OLFM4: variants seen among roughly 807,000 people sequenced by gnomAD.
OLFM4 encodes olfactomedin 4, also known as olfactomedin-4.
Under a neutral mutation model 25.5 loss-of-function variants are expected in OLFM4, and 22 were observed. That is an observed-to-expected ratio of 0.86 (90% CI 0.62 to 1.23). OLFM4 has a LOEUF of 1.23. Ranked by LOEUF, OLFM4 falls within the 50% of genes most tolerant of loss-of-function variation. The probability of loss-of-function intolerance (pLI) is 0.00; values close to 1 mark genes in which losing one functional copy is unlikely to be tolerated. For synonymous variants in OLFM4, 255 were observed against 237.7 expected, an observed-to-expected ratio of 1.07 and a Z score of -0.67; for missense variants, 594 against 619.4, an observed-to-expected ratio of 0.96 and a Z score of 0.44.
Position 53,050,295 on chromosome 13 carries a change from C to G in OLFM4, c.1057C>G (p.Leu353Val). 1.2e-6 allele frequency: 2 copies of G among 1,614,072 alleles called. No individual in the cohort carries two copies. The highest frequency in any genetic ancestry group is 1.3e-5 in the African/African-American group (1 of 75,030). ...CACCGGGAATATTGCCAGAGTTAACCTGACCACCAACACGATTGCTGTGAC... is the reference window on the plus strand; with the variant it reads ...CACCGGGAATATTGCCAGAGTTAACGTGACCACCAACACGATTGCTGTGAC... ...YNTGNIARVN[L>V]TTNTIAVTQT... The change falls in exon 5 of 5, where the codon CTG becomes GTG. Residue 353 changes from leucine (L) to valine (V), a missense_variant. By Grantham distance (32) the Leu-to-Val change is conservative (BLOSUM62 1). Coordinates refer to ENST00000219022, the MANE Select transcript of OLFM4 (RefSeq NM_006418.5).
Position 53,043,195 on chromosome 13 carries a change from A to G in OLFM4, c.661A>G (p.Thr221Ala). Residue 221 changes from threonine (T) to alanine (A), a missense_variant, in exon 4 of 5, where the codon ACC becomes GCC. By Grantham distance (58) the Thr-to-Ala change is moderately conservative (BLOSUM62 0). Coordinates refer to ENST00000219022, the MANE Select transcript of OLFM4 (RefSeq NM_006418.5). ...TCGCCGAGAAATCGTGGCTCTGAAG[A>G]CCAAGCTGAAAGAGTGTGAGGCCTC... ...AIRREIVALK[T>A]KLKECEASKD... 6.2e-7 allele frequency: 1 copy of G among 1,613,570 alleles called. No individual in the cohort carries two copies. Among genetic ancestry groups the G allele is most frequent in the Non-Finnish European group, 8.5e-7 (1 of 1,179,726 alleles).
At chr13:53,038,384 T>C (rs866150715) in intron 2 of OLFM4, among the ~76,000 whole-genome samples, 12 of 152,290 alleles carry the variant, frequency 7.9e-5, no homozygotes, top group Middle Eastern at 3.4e-3. Flanking sequence ...TGAACGTCAT[T>C]GTATACTTAC....
chr13:53,041,952 C>G lies in OLFM4; in HGVS notation c.400C>G (p.Leu134Val), dbSNP rs767153379. 7.4e-6 allele frequency: 12 copies of G among 1,613,890 alleles called. No individual in the cohort carries two copies. In the Admixed American group the frequency reaches 1.8e-4, roughly 25 times the overall value. Residue 134 changes from leucine to valine, a missense_variant, in exon 3 of 5, where the codon CTG (leucine) becomes GTG (valine). Transcript: ENST00000219022. ...VQLISVYEKK[L>V]LNLTVRIDIM... ...ATTAATTAGTGTGTATGAAAAGAAA[C>G]TGTTAAACCTAACTGTCCGAATTGA... is the stretch of plus-strand genomic sequence containing the variant.
In OLFM4 at chr13:53,043,271, A is replaced by G. The variant is rs758206017; in HGVS notation, c.730+7A>G. 6.3e-7 allele frequency: 1 copy of G among 1,588,188 alleles called. No homozygotes were observed. Among genetic ancestry groups the G allele is most frequent in the Non-Finnish European group, 8.6e-7 (1 of 1,169,370 alleles). ...CACCCTCCTCCCACTCCAGGTAAGC[A>G]TGCCAGTTTTTTTAACCACTTGTGC... is the stretch of plus-strand genomic sequence containing the variant. On this transcript the variant is annotated splice_region_variant and intron_variant, in intron 4 of 4. Coordinates refer to ENST00000219022, the MANE Select transcript of OLFM4 (RefSeq NM_006418.5).
chr13:53,043,371 GTT>G (rs35795840), intron 4 of OLFM4, 107 bp downstream of exon 4: 4,765 of 298,568 alleles, frequency 0.016, no homozygotes, highest in South Asian at 0.019. Flanking sequence ...AAGGTGGGTT[GTT>G]TTTTTTTTTT....
At chr13:53,045,097 C>T (rs1192936801) in intron 4 of OLFM4, among the ~76,000 whole-genome samples, 1 of 152,140 alleles carries the variant, frequency 6.6e-6, no homozygotes, top group Non-Finnish European at 1.5e-5. Flanking sequence ...AGGCAAGGGT[C>T]TTTGCTCCCT....
At chr13:53,036,430 G>C (rs1282243062) in intron 2 of OLFM4, among the ~76,000 whole-genome samples, 2 of 152,228 alleles carry the variant, frequency 1.3e-5, no homozygotes, top group Admixed American at 6.5e-5. Flanking sequence ...TGGCAGCAGT[G>C]TGAAAGGCAG....
At chr13:53,042,193 AC>A in intron 3 of OLFM4, 71 bp downstream of exon 3, 1 of 1,294,984 alleles carries the variant, frequency 7.7e-7, no homozygotes, top group Non-Finnish European at 1.1e-6. Context: ...AAGTACTAGT[AC>A]CAGGAAGTGA....
intron 2 of OLFM4, among the ~76,000 whole-genome samples, chr13:53,038,375 G>T (rs1382001358): frequency 6.6e-6 from 1 of 152,148 alleles, no homozygotes; most frequent in Non-Finnish European, 1.5e-5. Flanking sequence ...TAACATTGGT[G>T]AACGTCATTG....
chr13:53,035,348 G>A lies in OLFM4; in HGVS notation c.357+848G>A, dbSNP rs143003856. On this transcript the variant is annotated intron_variant, in intron 2 of 4. Coordinates refer to ENST00000219022, the MANE Select transcript of OLFM4 (RefSeq NM_006418.5). ...TTTTTTTGGTGTATAGTAGGTGTAT[G>A]TATTAATGGGGTACATGAGATACCC... is the stretch of plus-strand genomic sequence containing the variant. 9.5e-3 allele frequency among the ~76,000 whole-genome samples: 1,447 copies of A among 151,768 alleles called. 14 individuals are homozygous for A. Among genetic ancestry groups the A allele is most frequent in the Non-Finnish European group, 0.016 (1,091 of 67,966 alleles).
At chr13:53,043,785 G>C (rs1440488609) in intron 4 of OLFM4, among the ~76,000 whole-genome samples, 2 of 152,092 alleles carry the variant, frequency 1.3e-5, no homozygotes, top group Non-Finnish European at 2.9e-5. Context: ...TGTGTGTCCT[G>C]AGATTCAGTG....
At chr13:53,034,296 A>G (rs1200110863) in intron 1 of OLFM4, 52 bp from the exon 2 acceptor site, 1 of 1,591,024 alleles carries the variant, frequency 6.3e-7, no homozygotes, top group Non-Finnish European at 8.6e-7. Context: ...TCCAGTTGCC[A>G]AAAGCTCAGA....
rs778413748 is a variant in OLFM4 at position 53,028,993 on chromosome 13, G to A, written c.157G>A (p.Gly53Ser). 2 of 1,614,146 alleles carry A rather than the reference G, an allele frequency of 1.2e-6. No homozygotes were observed. Among genetic ancestry groups the A allele is most frequent in the South Asian group, 2.2e-5 (2 of 91,084 alleles). ...CAGCTTCAGCTCCAGCTCCAGGTCG[G>A]GCTCCAGCTCCAGCCGCAGCTTAGG... is the stretch of plus-strand genomic sequence containing the variant. ...SSSFSSSSRSGSSSSRSLGSG... is the reference protein window; with the variant it reads ...SSSFSSSSRSSSSSSRSLGSG... The change falls in exon 1 of 5, where the codon GGC becomes AGC. Residue 53 changes from glycine (G) to serine (S), a missense_variant. Transcript: ENST00000219022.
At chr13:53,042,248 C>T in intron 3 of OLFM4, 126 bp downstream of exon 3, 1 of 771,464 alleles carries the variant, frequency 1.3e-6, no homozygotes, top group South Asian at 1.8e-5. Flanking sequence ...CTCATGGCCA[C>T]ATGGCATATC....
In OLFM4 at chr13:53,028,934, G is replaced by A. The variant is rs1416473477; in HGVS notation, c.98G>A (p.Gly33Asp). The A allele has an allele frequency of 5.0e-6, 8 of 1,614,214 alleles. No individual in the cohort carries two copies. The highest frequency in any genetic ancestry group is 1.3e-5 in the African/African-American group (1 of 75,054). The change falls in exon 1 of 5, where the codon GGC becomes GAC. Residue 33 changes from glycine to aspartate, a missense_variant. Physicochemically the swap from Gly to Asp is moderately conservative, Grantham distance 94. Transcript: ENST00000219022. ...GDVGPPIPSP[G>D]FSSFPGVDSS... is the part of the protein sequence containing the mutation. ...GTGGGACCTCCAATTCCCAGCCCCGGCTTCAGCTCTTTCCCAGGTGTTGAC... is the reference window on the plus strand; with the variant it reads ...GTGGGACCTCCAATTCCCAGCCCCGACTTCAGCTCTTTCCCAGGTGTTGAC...
Position 53,030,330 on chromosome 13 carries a change from T to C in OLFM4, c.204+1290T>C, listed in dbSNP as rs961610609. 3.3e-5 allele frequency among the ~76,000 whole-genome samples: 5 copies of C among 152,084 alleles called. No homozygotes were observed. The South Asian group carries it at 1.0e-3, about 31-fold the overall frequency. The stretch of plus-strand genomic sequence containing the variant: ...TGTTTGTTTGTTTTTTGAGACAGAG[T>C]CTCATTCTGTCACCCAGGCTGGAGT... On this transcript the variant is annotated intron_variant, in intron 1 of 4. Coordinates refer to ENST00000219022, the MANE Select transcript of OLFM4 (RefSeq NM_006418.5).
intron 2 of OLFM4, among the ~76,000 whole-genome samples, chr13:53,035,771 A>T (rs1041239060): frequency 6.6e-6 from 1 of 152,160 alleles, no homozygotes; most frequent in Non-Finnish European, 1.5e-5. Context: ...AACTCTGATT[A>T]CTGTTTTTTT....
chr13:53,046,564 T>G (rs1053852359), intron 4 of OLFM4, among the ~76,000 whole-genome samples: 1 of 152,212 alleles, frequency 6.6e-6, no homozygotes, highest in Admixed American at 6.5e-5. Context: ...TGATTAATCT[T>G]TCATTCCTTT....
intron 4 of OLFM4, among the ~76,000 whole-genome samples, chr13:53,045,581 A>G (rs1275122815): frequency 6.6e-6 from 1 of 152,138 alleles, no homozygotes; most frequent in Non-Finnish European, 1.5e-5. Context: ...ATGGGACTTT[A>G]AAATCTGGCC....
Sources: allele counts gnomAD v4.1 joint callset (sites outside exome capture counted in the v4.1 genomes callset), GRCh38; gene constraint gnomAD v4.1.1; transcripts MANE v1.5; gene names NCBI Gene and HGNC (gene_info 2026-07-23, HGNC 2026-07-21).